The following C3orf70 variants were observed in gnomAD, a reference collection of about 807,000 sequenced individuals.
C3orf70 encodes the protein chromosome 3 open reading frame 70.
Under a neutral mutation model 20.7 loss-of-function variants are expected in C3orf70, and 15 were observed. That is an observed-to-expected ratio of 0.72 (90% CI 0.48 to 1.11). C3orf70 has a LOEUF of 1.11. Among genes scored for constraint, C3orf70 ranks in the 50% most tolerant of loss-of-function variants. The pLI is 0.00. For missense variants in C3orf70, 332 were observed against 317.6 expected, an observed-to-expected ratio of 1.05 and a Z score of -0.34; for synonymous variants, 161 against 125.7, an observed-to-expected ratio of 1.28 and a Z score of -1.88.
chr3:185,136,300 A>C (rs1402951278), intron 1 of C3orf70, among the ~76,000 whole-genome samples: 2 of 152,206 alleles, frequency 1.3e-5, no homozygotes, highest in Admixed American at 6.5e-5. Flanking sequence ...AGAACTACAA[A>C]TATCTGGCCA....
chr3:185,148,322 C>A (rs961541118), intron 1 of C3orf70, among the ~76,000 whole-genome samples: 3 of 152,208 alleles, frequency 2.0e-5, no homozygotes, highest in Non-Finnish European at 2.9e-5. Context: ...AAACTAGATT[C>A]ATGACCTTCC....
chr3:185,138,925 C>T (rs1348044322), intron 1 of C3orf70, among the ~76,000 whole-genome samples: 2 of 151,972 alleles, frequency 1.3e-5, no homozygotes, highest in Non-Finnish European at 2.9e-5. Flanking sequence ...AATAGTGAGA[C>T]CATGTGTCTA....
At chr3:185,084,347 A>G (rs1051180621) in intron 1 of C3orf70, among the ~76,000 whole-genome samples, 11 of 151,948 alleles carry the variant, frequency 7.2e-5, no homozygotes, top group African/African-American at 2.7e-4. Context: ...CCAGGTGTCT[A>G]TGTTCTAATT....
chr3:185,112,400 TC>T (rs1716093596), intron 1 of C3orf70, among the ~76,000 whole-genome samples: 1 of 152,162 alleles, frequency 6.6e-6, no homozygotes, highest in Admixed American at 6.5e-5. Context: ...ATTTTCCTAT[TC>T]CCCAGCAAGC....
chr3:185,088,650 A>T (rs1212961125), intron 1 of C3orf70, among the ~76,000 whole-genome samples: 1 of 152,064 alleles, frequency 6.6e-6, no homozygotes, highest in African/African-American at 2.4e-5. Context: ...GTTACAGGTG[A>T]TGTTTATTAA....
chr3:185,111,795 G>A (rs1453946166), intron 1 of C3orf70, among the ~76,000 whole-genome samples: 1 of 152,100 alleles, frequency 6.6e-6, no homozygotes, highest in Non-Finnish European at 1.5e-5. Context: ...GAGAGTAAAG[G>A]AAACAGAATC....
rs550766207 is a variant in C3orf70 at position 185,090,765 on chromosome 3, A to G, written c.197-7202T>C. On this transcript the variant is annotated intron_variant, in intron 1 of 1. Transcript: ENST00000335012. ...GAACTTAGTATTTATTATAGCCAAT[A>G]TTTTTTGTGGCCTGGCCCTTCATTC... Among the ~76,000 whole-genome samples the G allele has an allele frequency of 7.2e-5, 11 of 152,258 alleles. No individual in the cohort carries two copies. The South Asian group carries it at 1.9e-3, about 26-fold the overall frequency.
At chr3:185,139,081 G>A (rs1477786735) in intron 1 of C3orf70, among the ~76,000 whole-genome samples, 3 of 151,760 alleles carry the variant, frequency 2.0e-5, no homozygotes, top group African/African-American at 4.8e-5. Flanking sequence ...TAGCCTGGGC[G>A]ACAGTGAGAC....
At chr3:185,090,219 T>C (rs1715537657) in intron 1 of C3orf70, among the ~76,000 whole-genome samples, 2 of 151,880 alleles carry the variant, frequency 1.3e-5, no homozygotes, top group Admixed American at 6.5e-5. Flanking sequence ...ATAGCAGATA[T>C]AATTCCTTGA....
At chr3:185,106,403 T>C (rs1715941340) in intron 1 of C3orf70, among the ~76,000 whole-genome samples, 1 of 152,156 alleles carries the variant, frequency 6.6e-6, no homozygotes, top group Admixed American at 6.5e-5. Context: ...CTCCATTTCC[T>C]GGAGCTTCTT....
intron 1 of C3orf70, among the ~76,000 whole-genome samples, chr3:185,087,597 T>TATCTAAAGTAGTCA (rs1163687765): frequency 1.3e-5 from 2 of 152,224 alleles, no homozygotes; most frequent in African/African-American, 2.4e-5. Context: ...TTGCTTGATG[T>TATCTAAAGTAGTCA]ATCTAAAGTA....
chr3:185,104,133 C>A (rs11719078), intron 1 of C3orf70, among the ~76,000 whole-genome samples: 25,056 of 152,174 alleles, frequency 0.16, 2,745 homozygotes, highest in East Asian at 0.42. Context: ...CTGGCTCCCC[C>A]CTCCGCTGTG....
intron 1 of C3orf70, among the ~76,000 whole-genome samples, chr3:185,116,518 T>C (rs1439418069): frequency 6.6e-6 from 1 of 152,226 alleles, no homozygotes; most frequent in Non-Finnish European, 1.5e-5. Flanking sequence ...TTCTAGGATG[T>C]TCAGCAGCAT....
chr3:185,122,549 T>G (rs1157892987), intron 1 of C3orf70, among the ~76,000 whole-genome samples: 5 of 152,186 alleles, frequency 3.3e-5, no homozygotes, highest in Non-Finnish European at 5.9e-5. Context: ...ATTTGGAAAT[T>G]AAGTATGGTT....
chr3:185,138,460 C>A (rs1169730578), intron 1 of C3orf70, among the ~76,000 whole-genome samples: 9 of 149,326 alleles, frequency 6.0e-5, no homozygotes, highest in Non-Finnish European at 8.9e-5. Context: ...AAAAAAAAAA[C>A]TATAAGCAAC....
At chr3:185,090,465 C>T (rs548270964) in intron 1 of C3orf70, among the ~76,000 whole-genome samples, 1 of 152,000 alleles carries the variant, frequency 6.6e-6, no homozygotes, top group African/African-American at 2.4e-5. Flanking sequence ...CTCCTTGACA[C>T]AAGAAGTATA....
chr3:185,146,276 A>ATTTTT lies in C3orf70; in HGVS notation c.196+6347_196+6351dup, dbSNP rs10576073. On this transcript the variant is annotated intron_variant, in intron 1 of 1. Coordinates refer to ENST00000335012, the MANE Select transcript of C3orf70 (RefSeq NM_001025266.3). Reference sequence around the variant, plus strand: ...ATCACTAGACAAAGTTACAACTCTCATTTTTTTTTTTTTTTTTTTTTTTTT... The same window carrying ATTTTT: ...ATCACTAGACAAAGTTACAACTCTCATTTTTTTTTTTTTTTTTTTTTTTTTTTTTT... 3.6e-4 allele frequency among the ~76,000 whole-genome samples: 24 copies of ATTTTT among 67,082 alleles called. 1 individual carries two copies. Among genetic ancestry groups the ATTTTT allele is most frequent in the African/African-American group, 1.1e-3 (20 of 18,878 alleles). The allele number at this position is 67,082 out of a possible 152,430, so 44.0% of individuals were successfully genotyped here. A position where few individuals can be genotyped will look rare whatever the true frequency, so the allele number is the denominator to read the frequency against.
intron 1 of C3orf70, among the ~76,000 whole-genome samples, chr3:185,120,033 A>AAAAAAAG (rs55921240): frequency 2.0e-5 from 2 of 100,784 alleles, no homozygotes; most frequent in African/African-American, 4.6e-5. Context: ...AAAAAAAAAA[A>AAAAAAAG]AAAAAGAAAA....
intron 1 of C3orf70, among the ~76,000 whole-genome samples, chr3:185,128,072 C>G (rs971399129): frequency 1.3e-5 from 2 of 152,144 alleles, no homozygotes; most frequent in Admixed American, 1.3e-4. Flanking sequence ...ATCAAATGGG[C>G]AACATTAATT....
Sources: allele counts gnomAD v4.1 joint callset (sites outside exome capture counted in the v4.1 genomes callset), GRCh38; gene constraint gnomAD v4.1.1; transcripts MANE v1.5; gene names NCBI Gene and HGNC (gene_info 2026-07-23, HGNC 2026-07-21).